Variants in SLC1A2 observed in about 807,000 individuals in gnomAD.
SLC1A2 encodes excitatory amino acid transporter 2.
SLC1A2 carries 15 observed loss-of-function variants against 48.8 expected under a neutral mutation model. The ratio of observed to expected loss-of-function variants is 0.31; its 90% CI spans 0.21 to 0.47. The LOEUF is 0.47. SLC1A2 is among the 20% of genes least tolerant of loss of function. The pLI is 0.99. For missense variants in SLC1A2, 502 were observed against 730.5 expected, an observed-to-expected ratio of 0.69 and a Z score of 3.61; for synonymous variants, 279 against 272.6, an observed-to-expected ratio of 1.02 and a Z score of -0.23.
In SLC1A2 at chr11:35,325,857, G is replaced by A. The variant is rs375490684; in HGVS notation, c.18-8341C>T. The stretch of plus-strand genomic sequence containing the variant: ...CAGGCACCTGTAATCCCAGCTACTC[G>A]GGAGGCTGAGGCAGAAGAATCACTT... On this transcript the variant is annotated intron_variant, in intron 1 of 10. Transcript: ENST00000278379. Among the ~76,000 whole-genome samples the A allele has an allele frequency of 4.6e-5, 7 of 151,820 alleles. No individual in the cohort carries two copies. In the East Asian group the frequency reaches 7.7e-4, roughly 17 times the overall value.
intron 1 of SLC1A2, among the ~76,000 whole-genome samples, chr11:35,358,611 G>T (rs1004586328): frequency 1.3e-5 from 2 of 152,100 alleles, no homozygotes; most frequent in African/African-American, 2.4e-5. Context: ...ACTGCTATTT[G>T]CAATTTCTGT....
intron 1 of SLC1A2, among the ~76,000 whole-genome samples, chr11:35,362,982 G>T (rs963479326): frequency 6.6e-6 from 1 of 152,220 alleles, no homozygotes; most frequent in South Asian, 2.1e-4. Context: ...ACCTGATGAG[G>T]TAGCACTACT....
At chr11:35,393,418 G>C (rs1854844666) in intron 1 of SLC1A2, among the ~76,000 whole-genome samples, 1 of 152,158 alleles carries the variant, frequency 6.6e-6, no homozygotes. Context: ...GGCCAGCCCA[G>C]CTCCTGACTT....
At position 35,252,829 on chromosome 11, in the gene SLC1A2, C is replaced by G. The variant is rs538294295; in HGVS notation, c.*8065G>C. 4 of 152,666 alleles carry G rather than the reference C, an allele frequency of 2.6e-5. No homozygotes were observed. Among genetic ancestry groups the G allele is most frequent in the African/African-American group, 9.6e-5 (4 of 41,458 alleles). 9.5% of individuals were successfully genotyped at this position (152,666 alleles called of 1,614,324 possible). ...CCTAGATACCTACATTATAGCTACA[C>G]AAAGTGCATAGGCACTGTTCTTCAT... On this transcript the variant is annotated 3_prime_UTR_variant, in exon 11 of 11. Transcript: ENST00000278379.
At chr11:35,407,237 G>A (rs1855325779) in intron 1 of SLC1A2, among the ~76,000 whole-genome samples, 2 of 152,158 alleles carry the variant, frequency 1.3e-5, no homozygotes, top group South Asian at 4.1e-4. Context: ...ATCTAGGCAG[G>A]CAGCCATTTC....
chr11:35,335,156 G>A (rs891263759), intron 1 of SLC1A2, among the ~76,000 whole-genome samples: 2 of 152,106 alleles, frequency 1.3e-5, no homozygotes, highest in Non-Finnish European at 2.9e-5. Flanking sequence ...AGTTAAGAGT[G>A]TATGCATTGA....
intron 5 of SLC1A2, among the ~76,000 whole-genome samples, chr11:35,302,983 T>G (rs921870476): frequency 6.6e-6 from 1 of 151,282 alleles, no homozygotes; most frequent in African/African-American, 2.4e-5. Context: ...CCACCTGACT[T>G]GTTCTCTGAC....
intron 8 of SLC1A2, among the ~76,000 whole-genome samples, chr11:35,283,378 T>A (rs937400998): frequency 2.6e-5 from 4 of 152,208 alleles, no homozygotes; most frequent in African/African-American, 9.7e-5. Context: ...GCATGAAGTA[T>A]ATACACCCGT....
chr11:35,393,749 T>TC (rs913694829), intron 1 of SLC1A2, among the ~76,000 whole-genome samples: 5 of 151,842 alleles, frequency 3.3e-5, no homozygotes, highest in South Asian at 4.2e-4. Context: ...GATTTTTGTC[T>TC]CCCCCCATCC....
At position 35,281,054 on chromosome 11, in the gene SLC1A2, C is replaced by A. The variant is rs1466709687; in HGVS notation, c.1287-53G>T. The A allele has an allele frequency of 9.4e-6, 14 of 1,487,458 alleles. No homozygotes were observed. The Admixed American group carries it at 9.6e-5, about 10-fold the overall frequency. 92.1% of individuals were successfully genotyped at this position (1,487,458 alleles called of 1,614,324 possible). ...GGAAATGGAAAGAATCTTAGCAAAA[C>A]CAACCCTGGCAATTTTAAGCTCTAA... On this transcript the variant is annotated intron_variant, in intron 8 of 10. Coordinates refer to ENST00000278379, the MANE Select transcript of SLC1A2 (RefSeq NM_004171.4).
intron 1 of SLC1A2, among the ~76,000 whole-genome samples, chr11:35,361,727 A>G (rs578205557): frequency 6.6e-6 from 1 of 152,288 alleles, no homozygotes; most frequent in South Asian, 2.1e-4. Flanking sequence ...CTGTAATCTC[A>G]GCACTTTGGG....
At chr11:35,270,153 A>G (rs1399535141) in intron 9 of SLC1A2, among the ~76,000 whole-genome samples, 1 of 152,224 alleles carries the variant, frequency 6.6e-6, no homozygotes, top group Non-Finnish European at 1.5e-5. Context: ...AAAAAACAAT[A>G]AAAGCAGATT....
chr11:35,371,865 A>G lies in SLC1A2; in HGVS notation c.17+47085T>C, dbSNP rs115874501. On this transcript the variant is annotated intron_variant, in intron 1 of 10. Transcript: ENST00000278379. ...CATGAGAGTTTCAGTAAGAAGCACT[A>G]TTCTACCTGATCTTGAAATTCACTC... Among the ~76,000 whole-genome samples the G allele has an allele frequency of 5.2e-3, 795 of 152,358 alleles. 5 individuals carry two copies. Among genetic ancestry groups the G allele is most frequent in the African/African-American group, 0.018 (768 of 41,576 alleles).
chr11:35,367,289 A>C (rs1853883857), intron 1 of SLC1A2, among the ~76,000 whole-genome samples: 1 of 152,188 alleles, frequency 6.6e-6, no homozygotes, highest in African/African-American at 2.4e-5. Context: ...TTGTGGGAAA[A>C]AGAGACTCAA....
Position 35,254,619 on chromosome 11 carries a change from T to A in SLC1A2, c.*6275A>T. On this transcript the variant is annotated 3_prime_UTR_variant, in exon 11 of 11. Coordinates refer to ENST00000278379, the MANE Select transcript of SLC1A2 (RefSeq NM_004171.4). ...AAGGAGTGAGGCTCCGACTGCAACA[T>A]CTCCATCTCCAGTGAGGATGATGAC... 1 of 327,290 alleles carries A rather than the reference T, an allele frequency of 3.1e-6. No individual in the cohort carries two copies. The highest frequency in any genetic ancestry group is 2.4e-5 in the South Asian group (1 of 42,060). The allele number at this position is 327,290 out of a possible 1,614,324, so 20.3% of individuals were successfully genotyped here.
chr11:35,270,116 T>C (rs1421927497), intron 9 of SLC1A2, among the ~76,000 whole-genome samples: 1 of 152,088 alleles, frequency 6.6e-6, no homozygotes. Context: ...CAAAAATGAA[T>C]GAAAGAATAT....
intron 1 of SLC1A2, among the ~76,000 whole-genome samples, chr11:35,382,277 C>T (rs537133292): frequency 6.6e-5 from 10 of 152,168 alleles, no homozygotes; most frequent in Non-Finnish European, 1.0e-4. Flanking sequence ...GTCAACCTGT[C>T]GATATTTTCA....
intron 1 of SLC1A2, among the ~76,000 whole-genome samples, chr11:35,349,169 T>C (rs775504477): frequency 3.3e-5 from 5 of 152,100 alleles, no homozygotes; most frequent in Non-Finnish European, 5.9e-5. Context: ...ATGGGGGCAC[T>C]GCGGGAGCCC....
At chr11:35,415,005 T>G (rs1303972824) in intron 1 of SLC1A2, among the ~76,000 whole-genome samples, 1 of 152,168 alleles carries the variant, frequency 6.6e-6, no homozygotes, top group Non-Finnish European at 1.5e-5. Flanking sequence ...AGGGGAGGAT[T>G]TACATTGAAA....
Sources: gnomAD v4.1 joint callset for allele counts (sites outside exome capture counted in the v4.1 genomes callset) on GRCh38, gnomAD v4.1.1 for gene constraint, MANE v1.5 for transcripts, NCBI Gene and HGNC (gene_info 2026-07-23, HGNC 2026-07-21) for gene names.